The following DRC8 variants were observed in gnomAD, a reference collection of about 807,000 sequenced individuals.
The protein encoded by DRC8 is dynein regulatory complex subunit 8.
the DRC8 span, among the ~76,000 whole-genome samples, chr1:245,048,724 T>C: frequency 6.6e-6 from 1 of 152,158 alleles, no homozygotes; most frequent in Non-Finnish European, 1.5e-5. Context: ...ATACATTTTA[T>C]TATTATTGTT....
the DRC8 span, among the ~76,000 whole-genome samples, chr1:245,105,012 T>C: frequency 6.6e-6 from 1 of 152,258 alleles, no homozygotes; most frequent in African/African-American, 2.4e-5. Context: ...GTCCGCACGT[T>C]GGACTTGTCC....
chr1:245,008,989 T>A, the DRC8 span, among the ~76,000 whole-genome samples: 14 of 149,496 alleles, frequency 9.4e-5, no homozygotes, highest in South Asian at 2.1e-4. Flanking sequence ...CACCTGGCCC[T>A]CGCACAAATT....
At chr1:245,035,683 G>T in the DRC8 span, among the ~76,000 whole-genome samples, 1 of 151,924 alleles carries the variant, frequency 6.6e-6, no homozygotes, top group African/African-American at 2.4e-5. Flanking sequence ...CCTGGCCAAC[G>T]TGGTGAAACC....
At chr1:245,036,039 G>T in the DRC8 span, among the ~76,000 whole-genome samples, 5 of 142,142 alleles carry the variant, frequency 3.5e-5, no homozygotes, top group African/African-American at 1.4e-4. Flanking sequence ...TAGATAAATT[G>T]AATTTCACCA....
At chr1:245,055,938 A>G in the DRC8 span, among the ~76,000 whole-genome samples, 1 of 152,200 alleles carries the variant, frequency 6.6e-6, no homozygotes, top group African/African-American at 2.4e-5. Flanking sequence ...TGTGCTGCCC[A>G]GGTGGAGTGC....
the DRC8 span, among the ~76,000 whole-genome samples, chr1:245,014,204 C>T: frequency 6.6e-6 from 1 of 152,064 alleles, no homozygotes; most frequent in East Asian, 1.9e-4. Context: ...TTTAGAAAAA[C>T]AAGTTCAAAC....
At chr1:245,013,306 C>G in the DRC8 span, among the ~76,000 whole-genome samples, 1 of 152,134 alleles carries the variant, frequency 6.6e-6, no homozygotes, top group Non-Finnish European at 1.5e-5. Context: ...GAGAAGAAAT[C>G]TCAACAGATG....
chr1:245,093,067 A>T, the DRC8 span, among the ~76,000 whole-genome samples: 503 of 152,278 alleles, frequency 3.3e-3, 1 homozygote, highest in African/African-American at 0.011. Context: ...GGGAGAGAGA[A>T]AAAGAGAGAG....
At chr1:244,978,215 C>T in the DRC8 span, among the ~76,000 whole-genome samples, 4 of 151,934 alleles carry the variant, frequency 2.6e-5, no homozygotes, top group Non-Finnish European at 4.4e-5. Context: ...AGATCTAGGC[C>T]GGGCGCAGTG....
the DRC8 span, among the ~76,000 whole-genome samples, chr1:245,004,953 C>T: frequency 6.6e-6 from 1 of 152,170 alleles, no homozygotes; most frequent in Non-Finnish European, 1.5e-5. Flanking sequence ...ATGATCAAAT[C>T]ACTATTCCTA....
the DRC8 span, chr1:245,044,073 T>G: frequency 6.6e-6 from 1 of 152,218 alleles, no homozygotes; most frequent in African/African-American, 2.4e-5. Flanking sequence ...ATGCTTTTAT[T>G]AACAATGACA....
At chr1:245,012,048 C>T in the DRC8 span, among the ~76,000 whole-genome samples, 1 of 152,124 alleles carries the variant, frequency 6.6e-6, no homozygotes, top group Non-Finnish European at 1.5e-5. Flanking sequence ...TTAAACAGAA[C>T]ACAGTTTAGA....
At chr1:245,099,289 G>C in the DRC8 span, among the ~76,000 whole-genome samples, 1 of 152,190 alleles carries the variant, frequency 6.6e-6, no homozygotes, top group Non-Finnish European at 1.5e-5. Context: ...TCTCTCAAGG[G>C]GGGGCTTTTT....
chr1:245,006,947 C>CA, the DRC8 span, among the ~76,000 whole-genome samples: 445 of 110,542 alleles, frequency 4.0e-3, 2 homozygotes, highest in African/African-American at 0.01. Flanking sequence ...AACAAACAAA[C>CA]AACAACAACA....
chr1:244,992,744 A>T, the DRC8 span, among the ~76,000 whole-genome samples: 1 of 152,210 alleles, frequency 6.6e-6, no homozygotes, highest in African/African-American at 2.4e-5. Flanking sequence ...TGTCTCAAAA[A>T]AAGCCCCCAA....
the DRC8 span, chr1:245,002,299 C>T: frequency 1.5e-6 from 2 of 1,333,856 alleles, no homozygotes; most frequent in Non-Finnish European, 2.1e-6. Flanking sequence ...TGCCTCCAGC[C>T]TTGCTTCCTT....
the DRC8 span, chr1:245,122,937 G>A: frequency 6.6e-6 from 1 of 152,172 alleles, no homozygotes; most frequent in African/African-American, 2.4e-5. Flanking sequence ...TAATCTTCCT[G>A]TGTGTCTGTG....
the DRC8 span, among the ~76,000 whole-genome samples, chr1:245,038,269 G>A: frequency 2.6e-5 from 4 of 152,204 alleles, no homozygotes; most frequent in Admixed American, 2.0e-4. Context: ...AGGAGATCGA[G>A]ACCACCCTGG....
chr1:245,081,112 A>G, the DRC8 span, among the ~76,000 whole-genome samples: 2 of 149,374 alleles, frequency 1.3e-5, no homozygotes, highest in African/African-American at 4.9e-5. Context: ...TTATTTTTTT[A>G]TTTTTATTTT....
Sources: allele counts gnomAD v4.1 joint callset (sites outside exome capture counted in the v4.1 genomes callset), GRCh38; gene constraint gnomAD v4.1.1; transcripts MANE v1.5; gene names NCBI Gene and HGNC (gene_info 2026-07-23, HGNC 2026-07-21).